COA1: variants seen among roughly 807,000 people sequenced by gnomAD.
The protein encoded by COA1 is cytochrome c oxidase assembly factor 1 homolog.
Under a neutral mutation model 16.0 loss-of-function variants are expected in COA1, and 13 were observed. The observed-to-expected ratio is 0.81, with a 90% CI of 0.53 to 1.29. The LOEUF (loss-of-function observed/expected upper bound fraction) is 1.29. Ranked by LOEUF, COA1 falls within the 50% of genes most tolerant of loss-of-function variation. The probability of loss-of-function intolerance (pLI) is 0.00; values close to 1 mark genes in which losing one functional copy is unlikely to be tolerated. For synonymous variants in COA1, 65 were observed against 65.7 expected (o/e 0.99, Z 0.05); for missense variants, 179 against 177.0 (o/e 1.01, Z -0.06).
intron 6 of COA1, among the ~76,000 whole-genome samples, chr7:43,616,621 G>C (rs1428505792): frequency 6.6e-6 from 1 of 152,186 alleles, no homozygotes; most frequent in Non-Finnish European, 1.5e-5. Flanking sequence ...CGTCTGGCCG[G>C]GCGCGGTGGC....
At chr7:43,699,720 T>G (rs933024289) in intron 1 of COA1, among the ~76,000 whole-genome samples, 1 of 152,198 alleles carries the variant, frequency 6.6e-6, no homozygotes, top group Admixed American at 6.5e-5. Flanking sequence ...CTAATTAGCA[T>G]ATCATCAACA....
chr7:43,691,393 A>G (rs1465331565), intron 1 of COA1, among the ~76,000 whole-genome samples: 25 of 116,082 alleles, frequency 2.2e-4, no homozygotes, highest in Non-Finnish European at 4.2e-4. Context: ...GGAAGGAAGG[A>G]AGGAAGGAAG....
chr7:43,623,799 G>A lies in COA1; in HGVS notation c.*134-14304C>T, dbSNP rs747531818. ...AAGAAACATTCTTAAACATCTCACA[G>A]ATGAATTTAAGTTATTCTGAGGAAG... On this transcript the variant is annotated intron_variant and NMD_transcript_variant, in intron 6 of 6. Coordinates refer to the COA1 transcript ENST00000415076. 5 of 1,608,054 alleles carry A rather than the reference G, an allele frequency of 3.1e-6. No individual in the cohort carries two copies. In the Admixed American group the frequency reaches 6.8e-5, roughly 22 times the overall value.
At chr7:43,649,382 A>G (rs534206412) in intron 1 of COA1, 1 of 152,378 alleles carries the variant, frequency 6.6e-6, no homozygotes, top group African/African-American at 2.4e-5. Flanking sequence ...ATATCTAATT[A>G]AAGCAATATT....
Position 43,709,537 on chromosome 7 carries a change from G to A in COA1, c.-39+19892C>T, listed in dbSNP as rs568910056. On this transcript the variant is annotated intron_variant, in intron 1 of 5. Transcript: ENST00000223336. The stretch of plus-strand genomic sequence containing the variant: ...CTATTTACTGAAATATATTGTCACC[G>A]TTCTGCACGTTATCTTTATAACAAA... 1.3e-4 allele frequency among the ~76,000 whole-genome samples: 19 copies of A among 150,950 alleles called. No homozygotes were observed. The East Asian group carries it at 1.4e-3, about 11-fold the overall frequency.
At chr7:43,645,861 G>C (rs1265779270) in intron 3 of COA1, 1 of 154,808 alleles carries the variant, frequency 6.5e-6, no homozygotes, top group Non-Finnish European at 1.4e-5. Context: ...GTTCCACTAA[G>C]TTGAGACATA....
At chr7:43,625,202 G>A in intron 6 of COA1, 1 of 183,768 alleles carries the variant, frequency 5.4e-6, no homozygotes, top group Non-Finnish European at 1.1e-5. Context: ...TAAATCTCTT[G>A]CATTATTCAT....
intron 1 of COA1, among the ~76,000 whole-genome samples, chr7:43,717,682 T>G (rs1439329181): frequency 6.6e-6 from 1 of 152,072 alleles, no homozygotes; most frequent in African/African-American, 2.4e-5. Context: ...GACATGAGAT[T>G]TGGCAGGGGC....
At chr7:43,615,663 TCTC>T (rs1272089426) in intron 6 of COA1, among the ~76,000 whole-genome samples, 63 of 152,124 alleles carry the variant, frequency 4.1e-4, no homozygotes, top group Non-Finnish European at 1.3e-4. Flanking sequence ...AGCCCTGTGA[TCTC>T]CTAGCCATTT....
At chr7:43,620,673 CA>C (rs34416780) in intron 6 of COA1, among the ~76,000 whole-genome samples, 1,758 of 131,310 alleles carry the variant, frequency 0.013, 27 homozygotes, top group African/African-American at 0.046. Context: ...GACTCCGTCT[CA>C]AAAAAAAAAA....
intron 1 of COA1, among the ~76,000 whole-genome samples, chr7:43,679,295 TTTATG>T (rs962171604): frequency 6.6e-6 from 1 of 151,382 alleles, no homozygotes; most frequent in African/African-American, 2.4e-5. Flanking sequence ...AATGCTAAAT[TTTATG>T]TTATATTTTA....
intron 1 of COA1, chr7:43,648,907 CGGTGTGCACAA>C (rs2090157175): frequency 5.0e-6 from 2 of 396,104 alleles, no homozygotes; most frequent in Non-Finnish European, 9.2e-6. Context: ...ACCAAAGAAC[CGGTGTGCACAA>C]GGGAGAACCG....
At chr7:43,684,743 T>G (rs2093939516) in intron 1 of COA1, among the ~76,000 whole-genome samples, 1 of 152,172 alleles carries the variant, frequency 6.6e-6, no homozygotes, top group African/African-American at 2.4e-5. Context: ...CTTGACTGCT[T>G]GCTCAAAAAG....
chr7:43,727,199 C>G (rs1436374718), intron 1 of COA1, among the ~76,000 whole-genome samples: 3 of 152,146 alleles, frequency 2.0e-5, no homozygotes, highest in Non-Finnish European at 1.5e-5. Context: ...TGGCTAGAAT[C>G]AGAAAGACAG....
chr7:43,683,298 C>A (rs924460674), intron 1 of COA1, among the ~76,000 whole-genome samples: 4 of 151,880 alleles, frequency 2.6e-5, no homozygotes, highest in Non-Finnish European at 5.9e-5. Context: ...AGTAAAGTAA[C>A]CCTGAGCTCA....
intron 1 of COA1, among the ~76,000 whole-genome samples, chr7:43,721,814 A>T (rs949513642): frequency 6.6e-6 from 1 of 152,090 alleles, no homozygotes; most frequent in African/African-American, 2.4e-5. Context: ...GAATACAAAT[A>T]CTCAGTACCA....
downstream of COA1, among the ~76,000 whole-genome samples, chr7:43,638,566 C>CTTTT (rs746584234): frequency 2.5e-4 from 24 of 97,412 alleles, no homozygotes; most frequent in African/African-American, 4.3e-4. Context: ...TTTTTCTTTC[C>CTTTT]TTTTTTTTTT....
At chr7:43,643,146 C>T (rs1333231316) in intron 4 of COA1, among the ~76,000 whole-genome samples, 1 of 152,166 alleles carries the variant, frequency 6.6e-6, no homozygotes, top group African/African-American at 2.4e-5. Context: ...TGTGGGGAAG[C>T]CCAGGAAGGC....
At chr7:43,689,316 G>A (rs2130862129) in intron 1 of COA1, among the ~76,000 whole-genome samples, 1 of 152,288 alleles carries the variant, frequency 6.6e-6, no homozygotes, top group East Asian at 1.9e-4. Flanking sequence ...ATTCAACCAT[G>A]TAAATGTATT....
Sources: gnomAD v4.1 joint callset for allele counts (sites outside exome capture counted in the v4.1 genomes callset) on GRCh38, gnomAD v4.1.1 for gene constraint, MANE v1.5 for transcripts, NCBI Gene and HGNC (gene_info 2026-07-23, HGNC 2026-07-21) for gene names.